TBC1D1: variants seen among roughly 807,000 people sequenced by gnomAD.
The protein encoded by TBC1D1 is TBC1 (tre-2/USP6, BUB2, cdc16) domain family, member 1.
TBC1D1 carries 89 observed loss-of-function variants against 125.6 expected under a neutral mutation model. The ratio of observed to expected loss-of-function variants is 0.71; its 90% CI spans 0.60 to 0.85. TBC1D1 has a LOEUF of 0.85. Ranked by LOEUF, TBC1D1 falls within the 40% of genes least tolerant of loss-of-function variation. The pLI, the probability that TBC1D1 is intolerant of heterozygous loss-of-function variation, is 0.00. For missense variants in TBC1D1, 1,377 were observed against 1,469.2 expected (o/e 0.94, Z 1.03); for synonymous variants, 565 against 564.1 (o/e 1.00, Z -0.02).
intron 14 of TBC1D1, among the ~76,000 whole-genome samples, chr4:38,102,470 A>G (rs1760532957): frequency 6.6e-6 from 1 of 152,060 alleles, no homozygotes; most frequent in Non-Finnish European, 1.5e-5. Context: ...GAGAAGTGAG[A>G]AGAAGGGAGG....
At chr4:38,003,902 A>AC (rs1477958062) in intron 2 of TBC1D1, among the ~76,000 whole-genome samples, 4 of 150,938 alleles carry the variant, frequency 2.7e-5, no homozygotes, top group Non-Finnish European at 5.9e-5. Context: ...GCCTTTTCTT[A>AC]CCTTACAAAC....
intron 2 of TBC1D1, among the ~76,000 whole-genome samples, chr4:37,973,970 G>A (rs2152349274): frequency 6.6e-6 from 1 of 152,304 alleles, no homozygotes; most frequent in South Asian, 2.1e-4. Flanking sequence ...TGCTGCTGAG[G>A]CTGCTGGTCT....
intron 9 of TBC1D1, 29 bp from the exon 10 acceptor site, chr4:38,045,788 C>G (rs1171243062): frequency 1.3e-6 from 2 of 1,593,602 alleles, no homozygotes; most frequent in Non-Finnish European, 1.7e-6. Context: ...CCTCCAGAGT[C>G]ATAACTCGAC....
At chr4:38,086,039 C>T (rs1182711206) in intron 12 of TBC1D1, among the ~76,000 whole-genome samples, 1 of 152,084 alleles carries the variant, frequency 6.6e-6, no homozygotes, top group Non-Finnish European at 1.5e-5. Context: ...ATTCAGCAGG[C>T]CAAATTTAGA....
chr4:38,092,650 G>A (rs1159160042), intron 13 of TBC1D1, among the ~76,000 whole-genome samples: 2 of 150,970 alleles, frequency 1.3e-5, no homozygotes, highest in Admixed American at 1.3e-4. Context: ...CAGGAGAATC[G>A]CTTGAACCCA....
At chr4:38,113,690 A>C (rs116963379) in intron 15 of TBC1D1, among the ~76,000 whole-genome samples, 4 of 152,160 alleles carry the variant, frequency 2.6e-5, no homozygotes, top group African/African-American at 9.6e-5. Flanking sequence ...AATGAAAGAG[A>C]TTGTGAATAT....
At position 37,916,159 on chromosome 4, in the gene TBC1D1, C is replaced by T. The variant is rs1719683688; in HGVS notation, c.417+13647C>T. Among the ~76,000 whole-genome samples the T allele has an allele frequency of 3.3e-5, 5 of 152,176 alleles. No individual in the cohort carries two copies. In the South Asian group the frequency reaches 1.0e-3, roughly 32 times the overall value. ...CAAAAGAGTTAGAGGCACAAGTTTC[C>T]CCTGACTCCCATCTCCTAGAGGGAA... On this transcript the variant is annotated intron_variant, in intron 2 of 19. Coordinates refer to ENST00000261439, the MANE Select transcript of TBC1D1 (RefSeq NM_015173.4).
chr4:38,013,698 G>GTCCCTACT (rs1742003051), intron 2 of TBC1D1, among the ~76,000 whole-genome samples: 1 of 152,196 alleles, frequency 6.6e-6, no homozygotes, highest in Non-Finnish European at 1.5e-5. Context: ...GGTTAATGAT[G>GTCCCTACT]AGAGGATGTA....
chr4:38,123,018 G>A (rs184583424), intron 17 of TBC1D1, among the ~76,000 whole-genome samples: 1 of 152,272 alleles, frequency 6.6e-6, no homozygotes, highest in Admixed American at 6.5e-5. Context: ...ATAAATCTCA[G>A]AAGATCTCCT....
chr4:37,930,113 C>A (rs112124146), intron 2 of TBC1D1, among the ~76,000 whole-genome samples: 2 of 152,198 alleles, frequency 1.3e-5, no homozygotes, highest in African/African-American at 4.8e-5. Flanking sequence ...AACAACCCAT[C>A]AACAGTAGAA....
chr4:38,044,783 T>G (rs1190510081), intron 9 of TBC1D1, among the ~76,000 whole-genome samples: 2 of 152,220 alleles, frequency 1.3e-5, no homozygotes, highest in East Asian at 3.8e-4. Flanking sequence ...TTAGATACAC[T>G]GAAGTGTGGC....
At chr4:38,119,267 G>A (rs1339245103) in intron 17 of TBC1D1, among the ~76,000 whole-genome samples, 2 of 151,984 alleles carry the variant, frequency 1.3e-5, no homozygotes, top group Admixed American at 6.5e-5. Flanking sequence ...CCTAAAATTT[G>A]CTTTTTAATA....
At chr4:38,060,328 T>A (rs2152495805) in intron 12 of TBC1D1, among the ~76,000 whole-genome samples, 1 of 152,340 alleles carries the variant, frequency 6.6e-6, no homozygotes, top group South Asian at 2.1e-4. Context: ...TTGAACTAAT[T>A]TACATTCTCA....
intron 14 of TBC1D1, among the ~76,000 whole-genome samples, chr4:38,101,128 C>T (rs1189470105): frequency 1.3e-5 from 2 of 152,168 alleles, no homozygotes; most frequent in Non-Finnish European, 2.9e-5. Flanking sequence ...TGCATAGTGG[C>T]CTCGCAATCA....
At chr4:37,982,541 T>G (rs1734546382) in intron 2 of TBC1D1, among the ~76,000 whole-genome samples, 1 of 152,146 alleles carries the variant, frequency 6.6e-6, no homozygotes, top group Non-Finnish European at 1.5e-5. Context: ...TGGAGCACTT[T>G]TTATCTGGTA....
At chr4:37,947,409 G>C (rs1043171232) in intron 2 of TBC1D1, among the ~76,000 whole-genome samples, 3 of 151,944 alleles carry the variant, frequency 2.0e-5, no homozygotes, top group Admixed American at 1.3e-4. Context: ...CACCTGCTTC[G>C]GTCTCCCAAA....
chr4:38,090,941 G>A (rs1758319392), intron 13 of TBC1D1, among the ~76,000 whole-genome samples: 1 of 152,180 alleles, frequency 6.6e-6, no homozygotes, highest in South Asian at 2.1e-4. Context: ...CTTTTAAAAT[G>A]ACCTTGATGC....
chr4:38,069,294 C>T (rs994191600), intron 12 of TBC1D1, among the ~76,000 whole-genome samples: 23 of 152,300 alleles, frequency 1.5e-4, no homozygotes, highest in African/African-American at 4.8e-4. Flanking sequence ...CCCTTCTCGC[C>T]TGTTTAATCA....
At chr4:37,924,514 C>A (rs907054777) in intron 2 of TBC1D1, among the ~76,000 whole-genome samples, 5 of 152,144 alleles carry the variant, frequency 3.3e-5, no homozygotes, top group African/African-American at 9.7e-5. Context: ...AACTCTGTAG[C>A]CATTAAAAAT....
Sources: gnomAD v4.1 joint callset for allele counts (sites outside exome capture counted in the v4.1 genomes callset) on GRCh38, gnomAD v4.1.1 for gene constraint, MANE v1.5 for transcripts, NCBI Gene and HGNC (gene_info 2026-07-23, HGNC 2026-07-21) for gene names.